Variants in CDKL3 observed in about 807,000 individuals in gnomAD.
The protein encoded by CDKL3 is cyclin dependent kinase like 3.
CDKL3 carries 65 observed loss-of-function variants against 69.3 expected under a neutral mutation model. The observed-to-expected ratio is 0.94, with a 90% CI of 0.77 to 1.15. The LOEUF is 1.15. Ranked by LOEUF, CDKL3 falls within the 50% of genes most tolerant of loss-of-function variation. The probability of loss-of-function intolerance (pLI) is 0.00; values close to 1 mark genes in which losing one functional copy is unlikely to be tolerated. For missense variants in CDKL3, 652 were observed against 689.2 expected (o/e 0.95, Z 0.61); for synonymous variants, 202 against 221.6 (o/e 0.91, Z 0.79).
intron 2 of CDKL3, among the ~76,000 whole-genome samples, chr5:134,363,220 C>G (rs1756481041): frequency 6.6e-6 from 1 of 152,186 alleles, no homozygotes; most frequent in South Asian, 2.1e-4. Context: ...GTCATCAGGA[C>G]ATGAACTGAT....
intron 8 of CDKL3, among the ~76,000 whole-genome samples, chr5:134,291,688 C>T (rs1194800794): frequency 6.6e-6 from 1 of 151,680 alleles, no homozygotes. Context: ...ACAGGAGAAT[C>T]GCTTGAACCT....
upstream of CDKL3, chr5:134,367,280 T>C: frequency 1.1e-5 from 11 of 984,786 alleles, no homozygotes; most frequent in Non-Finnish European, 1.3e-5. Context: ...GTGCTGTGCT[T>C]GGGAATGGGG....
At chr5:134,329,812 A>G (rs1317846707) in intron 4 of CDKL3, among the ~76,000 whole-genome samples, 1 of 152,090 alleles carries the variant, frequency 6.6e-6, no homozygotes, top group Non-Finnish European at 1.5e-5. Context: ...CAAAAAGTTC[A>G]TGATAATGGA....
intron 6 of CDKL3, among the ~76,000 whole-genome samples, chr5:134,314,526 T>C (rs561562509): frequency 2.0e-5 from 3 of 152,296 alleles, no homozygotes; most frequent in Admixed American, 6.5e-5. Context: ...ACTTTATTTG[T>C]AATAGCGAAA....
intron 2 of CDKL3, among the ~76,000 whole-genome samples, chr5:134,364,952 G>A (rs1757052190): frequency 6.6e-6 from 1 of 150,998 alleles, no homozygotes; most frequent in Admixed American, 6.6e-5. Flanking sequence ...GATTACAGGG[G>A]CGCGACACTA....
chr5:134,338,911 T>A (rs1026464929), intron 4 of CDKL3, among the ~76,000 whole-genome samples: 6 of 152,140 alleles, frequency 3.9e-5, no homozygotes, highest in African/African-American at 1.4e-4. Context: ...CCCAGAGCTT[T>A]GGTAGGCCTA....
intron 5 of CDKL3, among the ~76,000 whole-genome samples, chr5:134,320,968 C>A: frequency 6.7e-6 from 1 of 150,086 alleles, no homozygotes; most frequent in African/African-American, 2.5e-5. Context: ...GTGGCCAAAG[C>A]AGATCATCAA....
chr5:134,305,380 C>A (rs2149433125), intron 10 of CDKL3, among the ~76,000 whole-genome samples: 1 of 152,266 alleles, frequency 6.6e-6, no homozygotes, highest in Non-Finnish European at 1.5e-5. Flanking sequence ...TCCCAAAATG[C>A]TAGGATTACA....
chr5:134,304,374 AT>A, intron 11 of CDKL3, 30 bp downstream of exon 11: 1 of 1,515,438 alleles, frequency 6.6e-7, no homozygotes, highest in Non-Finnish European at 8.9e-7. Flanking sequence ...TGATATCATC[AT>A]AATTGTAAAG....
chr5:134,299,746 G>A, intron 12 of CDKL3: 1 of 1,529,762 alleles, frequency 6.5e-7, no homozygotes, highest in Non-Finnish European at 8.8e-7. Flanking sequence ...TGCATTTCCT[G>A]TATTCTAAAA....
chr5:134,355,476 A>G lies in CDKL3; in HGVS notation c.360+4421T>C, dbSNP rs554684909. 3.9e-5 allele frequency among the ~76,000 whole-genome samples: 6 copies of G among 152,290 alleles called. No individual in the cohort carries two copies. In the East Asian group the frequency reaches 1.2e-3, roughly 29 times the overall value. Reference sequence around the variant, plus strand: ...GAAAGAGTGGAAGAAAGATAAATCCAGGAAGATAGACTAGTATGTGCAAAG... The same window carrying G: ...GAAAGAGTGGAAGAAAGATAAATCCGGGAAGATAGACTAGTATGTGCAAAG... On this transcript the variant is annotated intron_variant, in intron 3 of 12. Transcript: ENST00000265334.
At chr5:134,339,110 C>T (rs139302076) in intron 4 of CDKL3, among the ~76,000 whole-genome samples, 1,899 of 151,962 alleles carry the variant, frequency 0.012, 33 homozygotes, top group African/African-American at 0.043. Flanking sequence ...GGTAGTGAGC[C>T]AAGATCGTGC....
At chr5:134,342,290 A>G (rs886233349) in intron 4 of CDKL3, among the ~76,000 whole-genome samples, 4 of 152,232 alleles carry the variant, frequency 2.6e-5, no homozygotes, top group African/African-American at 9.6e-5. Flanking sequence ...TTTGAAAACT[A>G]CAAAACATTG....
At position 134,354,245 on chromosome 5, in the gene CDKL3, G is replaced by C. The variant is rs543727087; in HGVS notation, c.361-3818C>G. ...TGAGGGCAATATACACAACTGTCTT[G>C]TTCAATTAATATCTCGTGCTCAGTA... On this transcript the variant is annotated intron_variant, in intron 3 of 12. Coordinates refer to ENST00000265334, the MANE Select transcript of CDKL3 (RefSeq NM_001113575.2). Among the ~76,000 whole-genome samples the C allele has an allele frequency of 2.0e-5, 3 of 152,292 alleles. No homozygotes were observed. In the South Asian group the frequency reaches 6.2e-4, roughly 32 times the overall value.
chr5:134,328,141 C>A (rs746851755), intron 4 of CDKL3, among the ~76,000 whole-genome samples: 2 of 152,122 alleles, frequency 1.3e-5, no homozygotes, highest in African/African-American at 2.4e-5. Context: ...ATGACCCATA[C>A]ACCAGAAAAA....
At position 134,308,680 on chromosome 5, in the gene CDKL3, T is replaced by C. The variant is rs372145144; in HGVS notation, c.929A>G (p.Asn310Ser). Residue 310 changes from asparagine (N) to serine (S), a missense_variant, in exon 8 of 13, where the codon AAT (asparagine) becomes AGT (serine). Asn to Ser is a conservative substitution (Grantham distance 46). Coordinates refer to ENST00000265334, the MANE Select transcript of CDKL3 (RefSeq NM_001113575.2). Reference protein sequence around the residue: ...KAKLLQEAKVNSLIKPKESSK... With the variant: ...KAKLLQEAKVSSLIKPKESSK... ...ACTCTCTTTTGGCTTTATTAATGAA[T>C]TGACTTTTGCTTCCTGCAGTAATTT... 2 of 1,605,110 alleles carry C rather than the reference T, an allele frequency of 1.2e-6. No individual in the cohort carries two copies. Among genetic ancestry groups the C allele is most frequent in the Non-Finnish European group, 8.5e-7 (1 of 1,177,930 alleles).
upstream of CDKL3, among the ~76,000 whole-genome samples, chr5:134,369,819 A>G (rs1758157637): frequency 6.6e-6 from 1 of 152,170 alleles, no homozygotes; most frequent in African/African-American, 2.4e-5. Context: ...TTAGGATTAC[A>G]GGCATGAGCT....
intron 8 of CDKL3, among the ~76,000 whole-genome samples, chr5:134,289,794 G>A (rs1401845051): frequency 1.3e-5 from 2 of 152,122 alleles, no homozygotes; most frequent in Non-Finnish European, 2.9e-5. Flanking sequence ...AGCAAGAGGG[G>A]CATACAGACC....
chr5:134,287,818 C>T (rs1330791239), intron 8 of CDKL3, among the ~76,000 whole-genome samples: 1 of 151,992 alleles, frequency 6.6e-6, no homozygotes, highest in Non-Finnish European at 1.5e-5. Flanking sequence ...TATCAGCTTC[C>T]ATAAAACCTG....
Sources: gnomAD v4.1 joint callset for allele counts (sites outside exome capture counted in the v4.1 genomes callset) on GRCh38, gnomAD v4.1.1 for gene constraint, MANE v1.5 for transcripts, NCBI Gene and HGNC (gene_info 2026-07-23, HGNC 2026-07-21) for gene names.